PRDM8: variants seen among roughly 807,000 people sequenced by gnomAD.
The protein encoded by PRDM8 is PR/SET domain 8.
A neutral mutation model predicts 46.5 loss-of-function variants in PRDM8; 13 were observed. That is an observed-to-expected ratio of 0.28 (90% CI 0.18 to 0.44). PRDM8 has a LOEUF of 0.44. PRDM8 is among the 20% of genes least tolerant of loss of function. The pLI is 1.00. For synonymous variants in PRDM8, 473 were observed against 438.4 expected (o/e 1.08, Z -0.98); for missense variants, 998 against 955.0 (o/e 1.04, Z -0.59).
chr4:80,201,212 T>C, intron 2 of PRDM8, 78 bp from the exon 3 acceptor site: 1 of 1,316,980 alleles, frequency 7.6e-7, no homozygotes, highest in African/African-American at 1.5e-5. Flanking sequence ...ATGGTCTTGA[T>C]TCTTCTGATT....
At position 80,202,101 on chromosome 4, in the gene PRDM8, G is replaced by A. The variant is rs749943042; in HGVS notation, c.639G>A (p.Gln213=). 1.2e-6 allele frequency: 2 copies of A among 1,610,396 alleles called. No homozygotes were observed. Among genetic ancestry groups the A allele is most frequent in the East Asian group, 4.5e-5 (2 of 44,634 alleles). The change falls in exon 4 of 4, where the codon CAG becomes CAA. Residue 213 remains glutamine (Q), a synonymous_variant. Coordinates refer to ENST00000415738, the MANE Select transcript of PRDM8 (RefSeq NM_001099403.2). ...GGGGGGGKDQ[Q]QQQQEAPLGP... is the part of the protein sequence containing the mutation. The stretch of plus-strand genomic sequence containing the variant: ...GCGGCGGCGGTGGCAAAGACCAGCA[G>A]CAGCAGCAGCAGGAGGCACCTTTAG...
chr4:80,201,051 G>C (rs780216746), intron 2 of PRDM8, among the ~76,000 whole-genome samples: 8 of 152,140 alleles, frequency 5.3e-5, no homozygotes, highest in Non-Finnish European at 1.0e-4. Context: ...ATATAAAAAC[G>C]GTGACTTAAA....
upstream of PRDM8, chr4:80,197,266 G>C (rs953192213): frequency 2.1e-5 from 21 of 982,656 alleles, no homozygotes; most frequent in Non-Finnish European, 2.5e-5. Flanking sequence ...AGCAGTCCCA[G>C]AGGGCCCGAG....
At chr4:80,192,744 G>C (rs977068022), upstream of PRDM8, among the ~76,000 whole-genome samples, 1 of 152,242 alleles carries the variant, frequency 6.6e-6, no homozygotes, top group African/African-American at 2.4e-5. Flanking sequence ...GGTTGAAATA[G>C]TGGATATTGG....
At position 80,202,391 on chromosome 4, in the gene PRDM8, G is replaced by T. The variant is rs904039995; in HGVS notation, c.929G>T (p.Gly310Val). ...LSPDGIATGG[G>V]KGKRKFPEEA... The stretch of plus-strand genomic sequence containing the variant: ...CCCGACGGCATCGCCACGGGCGGCG[G>T]CAAAGGAAAGAGGAAATTCCCGGAG... Residue 310 changes from glycine to valine, a missense_variant, in exon 4 of 4, where the codon GGC becomes GTC. Physicochemically the swap from Gly to Val is moderately radical, Grantham distance 109. Coordinates refer to ENST00000415738, the MANE Select transcript of PRDM8 (RefSeq NM_001099403.2). 2.5e-6 allele frequency: 4 copies of T among 1,576,512 alleles called. No individual in the cohort carries two copies. Among genetic ancestry groups the T allele is most frequent in the East Asian group, 2.3e-5 (1 of 43,172 alleles).
chr4:80,202,335 C>T lies in PRDM8; in HGVS notation c.873C>T (p.Gly291=). The T allele has an allele frequency of 6.2e-7, 1 of 1,605,598 alleles. No homozygotes were observed. ...QSLSSGSGSG[G]GGGHQEAELS... ...TCAGCAGCGGTAGCGGCAGCGGCGG[C>T]GGCGGCGGCCACCAGGAGGCGGAGC... Residue 291 remains glycine (G), a synonymous_variant, in exon 4 of 4, where the codon GGC becomes GGT. Transcript: ENST00000415738.
At chr4:80,196,227 G>A (rs562359121), upstream of PRDM8, 2 of 928,484 alleles carry the variant, frequency 2.2e-6, no homozygotes, top group Admixed American at 1.2e-4. Context: ...CTCCACTTTA[G>A]CTAGCTACAC....
chr4:80,195,902 TACACACACAC>T (rs71662895), upstream of PRDM8: 2 of 149,368 alleles, frequency 1.3e-5, no homozygotes, highest in African/African-American at 3.3e-5. Flanking sequence ...GAGAAGGAAA[TACACACACAC>T]ACACACACAC....
In PRDM8 at chr4:80,203,144, C is replaced by G. The variant is rs1738691528; in HGVS notation, c.1682C>G (p.Ser561Cys). Residue 561 changes from serine to cysteine, a missense_variant, in exon 4 of 4, where the codon TCC becomes TGC. Physicochemically the swap from Ser to Cys is moderately radical, Grantham distance 112 (BLOSUM62 -1). Coordinates refer to ENST00000415738, the MANE Select transcript of PRDM8 (RefSeq NM_001099403.2). ...GCGGACCTGAACGGAGGTTGCGGGT[C>G]CCTGCCGAGCGGCGGCGGCGGCCTG... is the stretch of plus-strand genomic sequence containing the variant. ...GAADLNGGCGSLPSGGGGLPK... is the reference protein window; with the variant it reads ...GAADLNGGCGCLPSGGGGLPK... The G allele has an allele frequency of 1.3e-6, 2 of 1,553,260 alleles. No homozygotes were observed. Among genetic ancestry groups the G allele is most frequent in the Non-Finnish European group, 1.7e-6 (2 of 1,157,316 alleles).
chr4:80,202,237 A>G lies in PRDM8; in HGVS notation c.775A>G (p.Thr259Ala). 2 of 1,609,818 alleles carry G rather than the reference A, an allele frequency of 1.2e-6. No homozygotes were observed. The highest frequency in any genetic ancestry group is 1.4e-5 in the African/African-American group (1 of 73,980). Reference protein sequence around the residue: ...AAGGSSAKPSTDFHNLARELE... With the variant: ...AAGGSSAKPSADFHNLARELE... ...CGGCGGCAGCAGCGCGAAGCCATCC[A>G]CAGACTTCCACAACCTGGCCAGGGA... The change falls in exon 4 of 4, where the codon ACA (threonine) becomes GCA (alanine). Residue 259 changes from threonine to alanine, a missense_variant. By Grantham distance (58) the Thr-to-Ala change is moderately conservative. Coordinates refer to ENST00000415738, the MANE Select transcript of PRDM8 (RefSeq NM_001099403.2).
chr4:80,203,745 CCCACA>C lies in PRDM8; in HGVS notation c.*215_*219del. On this transcript the variant is annotated 3_prime_UTR_variant, in exon 4 of 4. Coordinates refer to ENST00000415738, the MANE Select transcript of PRDM8 (RefSeq NM_001099403.2). ...TATTTACCCGGGACACACACCCCCCCCCACACACACACACAGACACACTCACACAC... is the reference window on the plus strand; with the variant it reads ...TATTTACCCGGGACACACACCCCCCCCACACACACAGACACACTCACACAC... 2.3e-6 allele frequency: 1 copy of C among 435,708 alleles called. No individual in the cohort carries two copies. Among genetic ancestry groups the C allele is most frequent in the Non-Finnish European group, 3.9e-6 (1 of 256,138 alleles). 27.0% of individuals were successfully genotyped at this position (435,708 alleles called of 1,614,324 possible). A position where few individuals can be genotyped will look rare whatever the true frequency, so the allele number is the denominator to read the frequency against.
rs1738790226 is a variant in PRDM8 at position 80,203,922 on chromosome 4, CTACT to C, written c.*393_*396del. ...ATATTGATGCATTTGTCATACGTTTCTACTTAAATTATTAAGCACTTACGATTTA... is the reference window on the plus strand; with the variant it reads ...ATATTGATGCATTTGTCATACGTTTCTAAATTATTAAGCACTTACGATTTA... On this transcript the variant is annotated 3_prime_UTR_variant, in exon 4 of 4. Transcript: ENST00000415738. 6.3e-6 allele frequency: 1 copy of C among 158,030 alleles called. No homozygotes were observed. Among genetic ancestry groups the C allele is most frequent in the Non-Finnish European group, 1.4e-5 (1 of 71,478 alleles). The allele number at this position is 158,030 out of a possible 1,614,324, so 9.8% of individuals were successfully genotyped here. A position where few individuals can be genotyped will look rare whatever the true frequency, so the allele number is the denominator to read the frequency against.
At chr4:80,190,999 A>G (rs1737500995) in intron 1 of PRDM8, among the ~76,000 whole-genome samples, 1 of 152,234 alleles carries the variant, frequency 6.6e-6, no homozygotes, top group Non-Finnish European at 1.5e-5. Flanking sequence ...AGATAGTAAC[A>G]TTATACTCAG....
upstream of PRDM8, chr4:80,196,941 G>A (rs1407361720): frequency 2.0e-6 from 2 of 985,414 alleles, no homozygotes; most frequent in Non-Finnish European, 2.4e-6. Flanking sequence ...TCACCAAAGC[G>A]CATCCTTTCT....
intron 2 of PRDM8, 53 bp from the exon 3 acceptor site, chr4:80,201,237 G>A: frequency 6.7e-7 from 1 of 1,497,720 alleles, no homozygotes; most frequent in South Asian, 1.1e-5. Context: ...TCCCTCATGA[G>A]GGTCCCTCTC....
chr4:80,197,286 G>A (rs1262968363), upstream of PRDM8: 2 of 977,230 alleles, frequency 2.0e-6, no homozygotes, highest in African/African-American at 3.5e-5. Context: ...GCTTTAGGAG[G>A]AGGCGGGCCG....
chr4:80,190,775 G>GT (rs1321024100), intron 1 of PRDM8, among the ~76,000 whole-genome samples: 1 of 152,198 alleles, frequency 6.6e-6, no homozygotes, highest in East Asian at 1.9e-4. Flanking sequence ...AAACTCAGCT[G>GT]TGTGGGGCCT....
intron 2 of PRDM8, among the ~76,000 whole-genome samples, chr4:80,200,626 C>T (rs1490618818): frequency 6.6e-6 from 1 of 152,230 alleles, no homozygotes; most frequent in Admixed American, 6.5e-5. Context: ...TGCATACTAA[C>T]TAGTTTCTGC....
rs776620537 is a variant in PRDM8, at chr4:80,202,055, G to T, written c.593G>T (p.Gly198Val). ...CAAGACGAACAAGGCGGCGGCGTGG[G>T]CACCAAGGACCACGGGGGCGGCGGC... is the stretch of plus-strand genomic sequence containing the variant. The part of the protein sequence containing the change: ...SPQDEQGGGV[G>V]TKDHGGGGGG... Residue 198 changes from glycine to valine, a missense_variant, in exon 4 of 4, where the codon GGC becomes GTC. By Grantham distance (109) the Gly-to-Val change is moderately radical. Transcript: ENST00000415738. 4 of 1,613,894 alleles carry T rather than the reference G, an allele frequency of 2.5e-6. No homozygotes were observed. Among genetic ancestry groups the T allele is most frequent in the Non-Finnish European group, 3.4e-6 (4 of 1,179,964 alleles).
Sources: gnomAD v4.1 joint callset for allele counts (sites outside exome capture counted in the v4.1 genomes callset) on GRCh38, gnomAD v4.1.1 for gene constraint, MANE v1.5 for transcripts, NCBI Gene and HGNC (gene_info 2026-07-23, HGNC 2026-07-21) for gene names.